Variants in TLL1 observed in about 807,000 individuals in gnomAD.
TLL1 encodes the protein tolloid like 1.
TLL1 carries 49 observed loss-of-function variants against 128.2 expected under a neutral mutation model. That is an observed-to-expected ratio of 0.38 (90% CI 0.30 to 0.48). The LOEUF is 0.48. TLL1 is among the 20% of genes least tolerant of loss of function. The probability of loss-of-function intolerance (pLI) is 0.96; values close to 1 mark genes in which losing one functional copy is unlikely to be tolerated. For synonymous variants in TLL1, 454 were observed against 418.8 expected (o/e 1.08, Z -1.03); for missense variants, 1,123 against 1,242.0 (o/e 0.90, Z 1.44).
chr4:165,918,685 G>T (rs1732892678), intron 1 of TLL1, among the ~76,000 whole-genome samples: 1 of 151,990 alleles, frequency 6.6e-6, no homozygotes, highest in South Asian at 2.1e-4. Context: ...TTACACGGTG[G>T]TTTCTCCCCT....
intron 9 of TLL1, among the ~76,000 whole-genome samples, chr4:166,035,997 A>G (rs958108654): frequency 6.6e-6 from 1 of 152,194 alleles, no homozygotes; most frequent in Non-Finnish European, 1.5e-5. Flanking sequence ...TGGCTATAGC[A>G]TAGCAATCTA....
intron 17 of TLL1, among the ~76,000 whole-genome samples, chr4:166,075,795 CA>C (rs1740994625): frequency 2.0e-5 from 3 of 152,082 alleles, no homozygotes; most frequent in African/African-American, 7.2e-5. Flanking sequence ...TGACTCTAAC[CA>C]CAGTTAGATA....
chr4:165,953,142 T>G (rs1413648444), intron 1 of TLL1, among the ~76,000 whole-genome samples: 1 of 152,156 alleles, frequency 6.6e-6, no homozygotes, highest in Non-Finnish European at 1.5e-5. Flanking sequence ...ATATCATGAT[T>G]ATCAGAGTGC....
At chr4:166,005,402 A>G (rs1351293941) in intron 6 of TLL1, among the ~76,000 whole-genome samples, 1 of 151,984 alleles carries the variant, frequency 6.6e-6, no homozygotes, top group East Asian at 1.9e-4. Flanking sequence ...AATGGGTAAA[A>G]ACAATATTTA....
At chr4:165,918,564 G>GA (rs1561027968) in intron 1 of TLL1, among the ~76,000 whole-genome samples, 1 of 148,910 alleles carries the variant, frequency 6.7e-6, no homozygotes, top group African/African-American at 2.5e-5. Flanking sequence ...CATTTTCTGG[G>GA]TTTTTTTTTT....
chr4:166,037,753 A>T (rs1317756648), intron 9 of TLL1, among the ~76,000 whole-genome samples: 2 of 152,086 alleles, frequency 1.3e-5, no homozygotes, highest in Non-Finnish European at 2.9e-5. Flanking sequence ...GGTTGCAGTG[A>T]GCTGATACTG....
At chr4:166,080,601 A>G (rs531258704) in intron 18 of TLL1, among the ~76,000 whole-genome samples, 1 of 151,224 alleles carries the variant, frequency 6.6e-6, no homozygotes, top group African/African-American at 2.4e-5. Context: ...CTCTTTTTTT[A>G]TTAAAATAAG....
intron 1 of TLL1, among the ~76,000 whole-genome samples, chr4:165,914,800 A>T (rs1327800831): frequency 6.6e-6 from 1 of 152,310 alleles, no homozygotes; most frequent in East Asian, 1.9e-4. Flanking sequence ...TTCCCCAGAG[A>T]GAGATGTTAT....
Position 166,076,818 on chromosome 4 carries a change from A to ATTGTAATC in TLL1, c.2315-1082_2315-1075dup, listed in dbSNP as rs546048664. 2.8e-3 allele frequency among the ~76,000 whole-genome samples: 423 copies of ATTGTAATC among 152,242 alleles called. 2 individuals carry two copies. Among genetic ancestry groups the ATTGTAATC allele is most frequent in the African/African-American group, 9.5e-3 (396 of 41,556 alleles). Reference sequence around the variant, plus strand: ...GGAACTGAATTTTACCTTCCACTTTATTGTAATCTTCTGTTGCAAATACAA... The same window carrying ATTGTAATC: ...GGAACTGAATTTTACCTTCCACTTTATTGTAATCTTGTAATCTTCTGTTGCAAATACAA... On this transcript the variant is annotated intron_variant, in intron 17 of 20. Transcript: ENST00000061240.
At chr4:166,040,128 A>G (rs1739179252) in intron 10 of TLL1, among the ~76,000 whole-genome samples, 1 of 152,080 alleles carries the variant, frequency 6.6e-6, no homozygotes, top group African/African-American at 2.4e-5. Flanking sequence ...GCAGGCATCT[A>G]CTCTATATTG....
In TLL1 at chr4:166,014,510, G is replaced by A. The variant is rs377432062; in HGVS notation, c.992G>A (p.Arg331His). 26 of 1,612,254 alleles carry A rather than the reference G, an allele frequency of 1.6e-5. No homozygotes were observed. The East Asian group carries it at 3.8e-4, about 24-fold the overall frequency. ...GIRPAIGQRT[R>H]LSKGDIAQAR... ...CGTCCTGCAATTGGTCAGCGAACCC[G>A]TCTAAGCAAAGGAGATATCGCACAG... The change falls in exon 8 of 21, where the codon CGT becomes CAT. Residue 331 changes from arginine to histidine, a missense_variant. This residue lies in a region of TLL1 where 480 missense variants were observed against 542.4 expected (regional missense o/e 0.89). Coordinates refer to ENST00000061240, the MANE Select transcript of TLL1 (RefSeq NM_012464.5).
At chr4:166,084,244 T>G (rs886979778) in intron 18 of TLL1, among the ~76,000 whole-genome samples, 1 of 152,122 alleles carries the variant, frequency 6.6e-6, no homozygotes, top group African/African-American at 2.4e-5. Flanking sequence ...CGTTTCCTTG[T>G]TATTGAGTTG....
intron 10 of TLL1, among the ~76,000 whole-genome samples, chr4:166,040,300 T>A (rs895943005): frequency 1.3e-5 from 2 of 152,178 alleles, no homozygotes; most frequent in Non-Finnish European, 2.9e-5. Flanking sequence ...TCTGTAGAAA[T>A]ATTTAAAAAT....
chr4:165,950,439 A>C (rs1734458534), intron 1 of TLL1, among the ~76,000 whole-genome samples: 1 of 152,140 alleles, frequency 6.6e-6, no homozygotes, highest in South Asian at 2.1e-4. Context: ...GTTGATATTT[A>C]TAGAACATTT....
At chr4:165,917,088 A>C (rs1021945466) in intron 1 of TLL1, among the ~76,000 whole-genome samples, 3 of 152,098 alleles carry the variant, frequency 2.0e-5, no homozygotes, top group African/African-American at 7.2e-5. Flanking sequence ...TTTTCAATTC[A>C]CAAGTACCTA....
chr4:166,014,672 A>G (rs1410473492), intron 8 of TLL1, 112 bp downstream of exon 8: 1 of 1,507,254 alleles, frequency 6.6e-7, no homozygotes, highest in African/African-American at 1.4e-5. Context: ...TTGGCAAGTG[A>G]CGTGTACAGT....
In TLL1 at chr4:165,936,019, CT is replaced by C. The variant is rs942715333; in HGVS notation, c.170-53351del. The stretch of plus-strand genomic sequence containing the variant: ...GGACACACATAATGTCTGGTTTTAA[CT>C]TTTTTTTTTTCATGTCAGCAGCTGT... On this transcript the variant is annotated intron_variant, in intron 1 of 20. Coordinates refer to ENST00000061240, the MANE Select transcript of TLL1 (RefSeq NM_012464.5). Among the ~76,000 whole-genome samples the C allele has an allele frequency of 3.8e-3, 553 of 145,008 alleles. 1 individual carries two copies. Among genetic ancestry groups the C allele is most frequent in the Middle Eastern group, 0.028 (8 of 284 alleles).
rs1408963411 is a variant in TLL1, at chr4:166,057,301, G to A, written c.1838G>A (p.Ser613Asn). Reference sequence around the variant, plus strand: ...TATGAGCTGGGCCCAGACAGAAGGAGCTGTGAAGGTATGACTGCACTCCTT... The same window carrying A: ...TATGAGCTGGGCCCAGACAGAAGGAACTGTGAAGGTATGACTGCACTCCTT... ...PGYELGPDRR[S>N]CEAACGGLLT... The change falls in exon 14 of 21, where the codon AGC (serine) becomes AAC (asparagine). Residue 613 changes from serine (S) to asparagine (N), a missense_variant. Ser to Asn is a conservative substitution (Grantham distance 46). Coordinates refer to ENST00000061240, the MANE Select transcript of TLL1 (RefSeq NM_012464.5). 1.9e-6 allele frequency: 3 copies of A among 1,613,716 alleles called. No homozygotes were observed. The Admixed American group carries it at 5.0e-5, about 27-fold the overall frequency.
At chr4:165,988,720 T>G (rs1736499347) in intron 1 of TLL1, among the ~76,000 whole-genome samples, 1 of 152,098 alleles carries the variant, frequency 6.6e-6, no homozygotes, top group Non-Finnish European at 1.5e-5. Context: ...ATGGACCGTG[T>G]TATATTTGTC....
Sources: allele counts gnomAD v4.1 joint callset (sites outside exome capture counted in the v4.1 genomes callset), GRCh38; gene constraint gnomAD v4.1.1; regional missense constraint gnomAD v4.1.1; transcripts MANE v1.5; gene names NCBI Gene and HGNC (gene_info 2026-07-23, HGNC 2026-07-21).